The following CSMD3 variants were observed in gnomAD, a reference collection of about 807,000 sequenced individuals.
CSMD3 encodes CUB and Sushi multiple domains 3.
CSMD3 carries 177 observed loss-of-function variants against 435.2 expected under a neutral mutation model. The observed-to-expected ratio is 0.41, with a 90% CI of 0.36 to 0.46. The LOEUF is 0.46. CSMD3 is among the 20% of genes least tolerant of loss of function. The probability of loss-of-function intolerance (pLI) is 0.34; values close to 1 mark genes in which losing one functional copy is unlikely to be tolerated. For missense variants in CSMD3, 4,265 were observed against 4,504.6 expected (o/e 0.95, Z 1.52); for synonymous variants, 1,656 against 1,520.5 (o/e 1.09, Z -2.07).
intron 13 of CSMD3, among the ~76,000 whole-genome samples, chr8:112,798,094 A>G (rs1177722357): frequency 6.6e-6 from 1 of 151,866 alleles, no homozygotes; most frequent in African/African-American, 2.4e-5. Flanking sequence ...GTCTTCTGTG[A>G]TGGGTAGAGC....
intron 64 of CSMD3, among the ~76,000 whole-genome samples, chr8:112,245,014 G>C (rs1814582328): frequency 1.3e-5 from 2 of 151,614 alleles, no homozygotes; most frequent in Non-Finnish European, 1.5e-5. Context: ...AATTTTAAAT[G>C]TATTATATTT....
intron 10 of CSMD3, among the ~76,000 whole-genome samples, chr8:112,886,402 G>A (rs964231464): frequency 6.7e-6 from 1 of 150,350 alleles, no homozygotes; most frequent in Non-Finnish European, 1.5e-5. Flanking sequence ...AAAGTCTAAA[G>A]AAGGCTAGAT....
intron 22 of CSMD3, among the ~76,000 whole-genome samples, chr8:112,611,405 A>G (rs1015813282): frequency 6.6e-6 from 1 of 152,206 alleles, no homozygotes; most frequent in African/African-American, 2.4e-5. Flanking sequence ...CTTTAATTTT[A>G]CTAGTGAGTT....
At chr8:112,671,578 C>T (rs370551928) in intron 16 of CSMD3, among the ~76,000 whole-genome samples, 1 of 152,048 alleles carries the variant, frequency 6.6e-6, no homozygotes, top group Non-Finnish European at 1.5e-5. Flanking sequence ...GTCTTGCTTG[C>T]CTGTTTAACT....
chr8:113,414,306 T>C (rs746177119), intron 1 of CSMD3, among the ~76,000 whole-genome samples: 5 of 152,204 alleles, frequency 3.3e-5, no homozygotes, highest in Non-Finnish European at 7.3e-5. Flanking sequence ...AACTTTATTA[T>C]TTTGGTAAGA....
chr8:112,788,609 C>T (rs1216153138), intron 13 of CSMD3, among the ~76,000 whole-genome samples: 1 of 152,198 alleles, frequency 6.6e-6, no homozygotes, highest in East Asian at 1.9e-4. Context: ...CTTTGTCCCA[C>T]TAAACTGAAA....
intron 10 of CSMD3, among the ~76,000 whole-genome samples, chr8:112,918,676 T>C (rs1263862793): frequency 6.6e-6 from 1 of 151,948 alleles, no homozygotes; most frequent in Admixed American, 6.6e-5. Flanking sequence ...ATACTTTGTA[T>C]ACATAACCCA....
intron 10 of CSMD3, among the ~76,000 whole-genome samples, chr8:112,893,206 A>C (rs1475313689): frequency 6.6e-6 from 1 of 151,430 alleles, no homozygotes; most frequent in East Asian, 2.0e-4. Flanking sequence ...AAACTCTCAC[A>C]ACAACCTGTG....
chr8:112,279,252 T>G (rs1248565909), intron 59 of CSMD3, among the ~76,000 whole-genome samples: 1 of 152,186 alleles, frequency 6.6e-6, no homozygotes, highest in East Asian at 1.9e-4. Flanking sequence ...TTTGTGGTCT[T>G]CATAGATACT....
chr8:113,128,557 GGA>G (rs1476507840), intron 4 of CSMD3, among the ~76,000 whole-genome samples: 1 of 151,746 alleles, frequency 6.6e-6, no homozygotes, highest in Non-Finnish European at 1.5e-5. Context: ...ATACAGAGAA[GGA>G]AGACCTAGAT....
intron 12 of CSMD3, among the ~76,000 whole-genome samples, chr8:112,807,488 ATAGGTAGGTAGGTAGGTAGGTAGG>A (rs34951713): frequency 2.0e-4 from 26 of 129,156 alleles, no homozygotes; most frequent in African/African-American, 5.9e-4. Flanking sequence ...GCAATTCTTG[ATAGGTAGGTAGGTAGGTAGGTAGG>A]TAGGTAGGTA....
intron 3 of CSMD3, among the ~76,000 whole-genome samples, chr8:113,215,776 T>C (rs2092897468): frequency 6.6e-6 from 1 of 151,890 alleles, no homozygotes; most frequent in African/African-American, 2.4e-5. Flanking sequence ...TATATTAAAC[T>C]AATCTATGTA....
At chr8:112,418,694 G>C (rs1812166589) in intron 32 of CSMD3, among the ~76,000 whole-genome samples, 1 of 152,088 alleles carries the variant, frequency 6.6e-6, no homozygotes, top group Admixed American at 6.6e-5. Flanking sequence ...TCAAATCAAT[G>C]AGCTACTGTT....
chr8:113,060,000 T>TC (rs2088536003), intron 5 of CSMD3, among the ~76,000 whole-genome samples: 2 of 151,146 alleles, frequency 1.3e-5, no homozygotes, highest in East Asian at 3.9e-4. Context: ...TATTTATTTT[T>TC]TTTTTATTAT....
intron 38 of CSMD3, among the ~76,000 whole-genome samples, chr8:112,376,314 A>C (rs1306940846): frequency 6.6e-6 from 1 of 152,172 alleles, no homozygotes; most frequent in Admixed American, 6.6e-5. Context: ...AGGTGTTCAA[A>C]ATATTTGCTG....
intron 13 of CSMD3, among the ~76,000 whole-genome samples, chr8:112,778,288 A>G (rs897995967): frequency 1.3e-5 from 2 of 151,922 alleles, no homozygotes; most frequent in Non-Finnish European, 2.9e-5. Flanking sequence ...GGTTTTGAAA[A>G]GTATGATGGC....
chr8:113,115,181 G>A (rs527707022), intron 4 of CSMD3, among the ~76,000 whole-genome samples: 1 of 152,254 alleles, frequency 6.6e-6, no homozygotes, highest in East Asian at 1.9e-4. Flanking sequence ...AGCATCTCAG[G>A]GAATTCAGAA....
At chr8:113,217,717 G>T (rs552543072) in intron 3 of CSMD3, among the ~76,000 whole-genome samples, 1 of 151,306 alleles carries the variant, frequency 6.6e-6, no homozygotes. Flanking sequence ...GATATGTAGA[G>T]GAATATCAAG....
chr8:113,018,762 T>C, intron 6 of CSMD3: 1 of 329,512 alleles, frequency 3.0e-6, no homozygotes, highest in Non-Finnish European at 5.7e-6. Context: ...TGATTTGCGG[T>C]ACAACTTCAG....
Sources: allele counts gnomAD v4.1 joint callset (sites outside exome capture counted in the v4.1 genomes callset), GRCh38; gene constraint gnomAD v4.1.1; transcripts MANE v1.5; gene names NCBI Gene and HGNC (gene_info 2026-07-23, HGNC 2026-07-21).